Variants in ABLIM1 observed in about 807,000 individuals in gnomAD.
The protein encoded by ABLIM1 is actin-binding LIM protein 1.
A neutral mutation model predicts 107.0 loss-of-function variants in ABLIM1; 40 were observed. That is an observed-to-expected ratio of 0.37 (90% CI 0.29 to 0.49). The LOEUF (loss-of-function observed/expected upper bound fraction) is 0.49, where lower values mean the gene tolerates loss of function less well. ABLIM1 is among the 20% of genes least tolerant of loss of function. The pLI is 0.97. For synonymous variants in ABLIM1, 357 were observed against 357.3 expected (o/e 1.00, Z 0.01); for missense variants, 857 against 1,008.5 (o/e 0.85, Z 2.04).
At chr10:114,580,187 A>AATATTATATATTATATATTAT (rs375442818) in intron 2 of ABLIM1, among the ~76,000 whole-genome samples, 7 of 147,294 alleles carry the variant, frequency 4.8e-5, no homozygotes, top group African/African-American at 1.7e-4. Flanking sequence ...CCTTTATTTT[A>AATATTATATATTATATATTAT]ATATTATATA....
At chr10:114,603,718 C>G (rs2076207082) in intron 1 of ABLIM1, among the ~76,000 whole-genome samples, 3 of 151,796 alleles carry the variant, frequency 2.0e-5, no homozygotes, top group African/African-American at 7.3e-5. Flanking sequence ...CTTTGGGAAG[C>G]CGAGGTGGGC....
At chr10:114,590,426 G>T (rs1286893942) in intron 2 of ABLIM1, among the ~76,000 whole-genome samples, 1 of 152,066 alleles carries the variant, frequency 6.6e-6, no homozygotes, top group East Asian at 1.9e-4. Flanking sequence ...GGTTCTTCTT[G>T]GTCCACACTT....
intron 1 of ABLIM1, among the ~76,000 whole-genome samples, chr10:114,700,251 C>T (rs1400513992): frequency 6.6e-6 from 1 of 152,118 alleles, no homozygotes; most frequent in African/African-American, 2.4e-5. Context: ...GAATGATCTA[C>T]ATAGAACACT....
At chr10:114,681,116 G>A (rs1259762256) in intron 1 of ABLIM1, among the ~76,000 whole-genome samples, 1 of 152,190 alleles carries the variant, frequency 6.6e-6, no homozygotes, top group Admixed American at 6.5e-5. Context: ...GGTACATTTA[G>A]CTAGTCATAC....
intron 1 of ABLIM1, chr10:114,768,022 CCGG>C (rs2082947583): frequency 2.3e-6 from 1 of 428,530 alleles, no homozygotes; most frequent in Admixed American, 2.5e-5. Context: ...GTTCGGCCCG[CCGG>C]GGTCAGTGGA....
At chr10:114,594,851 A>C (rs988751342) in intron 2 of ABLIM1, among the ~76,000 whole-genome samples, 3 of 152,248 alleles carry the variant, frequency 2.0e-5, no homozygotes, top group African/African-American at 4.8e-5. Flanking sequence ...CTGCCATATC[A>C]GGCATTGTTC....
intron 6 of ABLIM1, among the ~76,000 whole-genome samples, chr10:114,517,791 TCAC>T (rs1382130021): frequency 1.3e-5 from 2 of 152,154 alleles, no homozygotes; most frequent in Non-Finnish European, 2.9e-5. Flanking sequence ...TATTAGCTCG[TCAC>T]CTGTATGTGG....
rs1367640412 is a variant in ABLIM1, at chr10:114,707,421, C to T, written c.-213+60640G>A. Among the ~76,000 whole-genome samples the T allele has an allele frequency of 6.6e-6, 1 of 152,032 alleles. No homozygotes were observed. Among genetic ancestry groups the T allele is most frequent in the Non-Finnish European group, 1.5e-5 (1 of 68,004 alleles). ...CTAATTTTAAAATTTTTAGTAGAGA[C>T]GAAGTTCACCATGTTGGCCAGGCTG... On this transcript the variant is annotated intron_variant, in intron 1 of 15. Coordinates refer to the ABLIM1 transcript ENST00000651092. This position sits in a 1 kb window ranked among gnomAD's most constrained non-coding sequence, Gnocchi z 4.1.
chr10:114,644,329 A>ATGTGTG (rs57762748), intron 1 of ABLIM1, among the ~76,000 whole-genome samples: 5 of 114,956 alleles, frequency 4.3e-5, no homozygotes, highest in African/African-American at 2.1e-4. Flanking sequence ...ATATATATAT[A>ATGTGTG]TGTGTATATA....
chr10:114,750,702 T>G (rs758894182), intron 1 of ABLIM1, among the ~76,000 whole-genome samples: 1 of 152,222 alleles, frequency 6.6e-6, no homozygotes, highest in African/African-American at 2.4e-5. Flanking sequence ...AACAGTAAGA[T>G]AGTAAAAATA....
chr10:114,643,491 AG>A (rs1364641796), intron 1 of ABLIM1, among the ~76,000 whole-genome samples: 1 of 152,268 alleles, frequency 6.6e-6, no homozygotes, highest in South Asian at 2.1e-4. Context: ...GGTAAGGCAA[AG>A]GGTATCATAA....
intron 1 of ABLIM1, among the ~76,000 whole-genome samples, chr10:114,732,472 C>T (rs1414395536): frequency 6.6e-6 from 1 of 151,766 alleles, no homozygotes; most frequent in Non-Finnish European, 1.5e-5. Context: ...GAAAAATAGA[C>T]CCTTATCAGA....
intron 1 of ABLIM1, among the ~76,000 whole-genome samples, chr10:114,622,020 G>A (rs2077495905): frequency 6.6e-6 from 1 of 152,158 alleles, no homozygotes; most frequent in Non-Finnish European, 1.5e-5. Context: ...TCCTAAAACT[G>A]CTCCTTGATG....
At chr10:114,617,497 A>G (rs2077203412) in intron 1 of ABLIM1, among the ~76,000 whole-genome samples, 1 of 151,374 alleles carries the variant, frequency 6.6e-6, no homozygotes, top group South Asian at 2.1e-4. Context: ...CAAACTCTTG[A>G]TCTCAGGTAA....
chr10:114,542,589 G>GGAAGGAGAAA lies in ABLIM1; in HGVS notation c.894+2415_894+2416insTTTCTCCTTC, dbSNP rs145911227. On this transcript the variant is annotated intron_variant, in intron 6 of 22. Coordinates refer to ENST00000533213, the MANE Select transcript of ABLIM1 (RefSeq NM_002313.7). ...GAAGGGAGGAGGACGAGGAGGAGGAGGAAGGAGGAAGAAGAAGAAAAAAGA... is the reference window on the plus strand; with the variant it reads ...GAAGGGAGGAGGACGAGGAGGAGGAGGAAGGAGAAAGAAGGAGGAAGAAGAAGAAAAAAGA... Among the ~76,000 whole-genome samples the GGAAGGAGAAA allele has an allele frequency of 1.6e-3, 242 of 150,140 alleles. 2 individuals carry two copies. The highest frequency in any genetic ancestry group is 3.1e-4 in the Non-Finnish European group (21 of 67,554).
intron 12 of ABLIM1, among the ~76,000 whole-genome samples, chr10:114,458,498 C>T (rs1194504140): frequency 6.6e-6 from 1 of 152,066 alleles, no homozygotes; most frequent in Non-Finnish European, 1.5e-5. Context: ...TGGAGCACTG[C>T]CTAGCTTTCT....
At chr10:114,487,933 C>T (rs1351245485) in intron 8 of ABLIM1, 25 bp downstream of exon 8, 3 of 1,613,548 alleles carry the variant, frequency 1.9e-6, no homozygotes, top group Non-Finnish European at 1.7e-6. Context: ...ATGCAGCTGG[C>T]ATCATGTTTT....
At chr10:114,542,541 G>GGAGAAGGGAGGAGGAGGGAA (rs2066820012) in intron 6 of ABLIM1, among the ~76,000 whole-genome samples, 1 of 151,534 alleles carries the variant, frequency 6.6e-6, no homozygotes, top group Admixed American at 6.6e-5. Context: ...GAAGGAGGAG[G>GGAGAAGGGAGGAGGAGGGAA]GAGAAGGGAG....
intron 1 of ABLIM1, among the ~76,000 whole-genome samples, chr10:114,627,317 G>A (rs1360365439): frequency 2.8e-4 from 43 of 152,004 alleles, no homozygotes; most frequent in Non-Finnish European, 1.0e-4. Context: ...CCTGCTTCAG[G>A]GAGTCTTTCC....
Sources: allele counts gnomAD v4.1 joint callset (sites outside exome capture counted in the v4.1 genomes callset), GRCh38; gene constraint gnomAD v4.1.1; non-coding constraint Gnocchi (gnomAD v3.1); transcripts MANE v1.5; gene names NCBI Gene and HGNC (gene_info 2026-07-23, HGNC 2026-07-21).